Variants in CCDC62 observed in about 807,000 individuals in gnomAD.
CCDC62 encodes the protein coiled-coil domain containing 62, also known as coiled-coil domain-containing protein 62.
Under a neutral mutation model 80.8 loss-of-function variants are expected in CCDC62, and 72 were observed. The ratio of observed to expected loss-of-function variants is 0.89; its 90% confidence interval spans 0.74 to 1.08. The LOEUF is 1.08. CCDC62 is among the 50% of genes least tolerant of loss of function. The probability of loss-of-function intolerance (pLI) is 0.00; values close to 1 mark genes in which losing one functional copy is unlikely to be tolerated. For missense variants in CCDC62, 704 were observed against 809.4 expected, an observed-to-expected ratio of 0.87 and a Z score of 1.58; for synonymous variants, 286 against 296.5, an observed-to-expected ratio of 0.96 and a Z score of 0.36.
intron 9 of CCDC62, among the ~76,000 whole-genome samples, chr12:122,804,140 G>T (rs2031454435): frequency 1.3e-5 from 2 of 152,140 alleles, no homozygotes; most frequent in Non-Finnish European, 2.9e-5. Context: ...ACAAACAGAG[G>T]TTTACCCGTG....
In CCDC62 at chr12:122,777,572, C is replaced by T. The variant is rs757192126; in HGVS notation, c.118C>T (p.Arg40Ter). Residue 40 changes from arginine to a stop codon, truncating the protein, a stop_gained, in exon 2 of 13, where the codon CGA (arginine) becomes TGA (stop). Transcript: ENST00000253079. LOFTEE classifies it high-confidence loss of function. The stretch of plus-strand genomic sequence containing the variant: ...GTTGCTCATTGGAGAATTAAAAGAT[C>T]GAGATAAAGAGCTCAATGACATGGT... The part of the protein sequence containing the change: ...LQLLIGELKD[R>*]DKELNDMVAV... 70 of 1,613,862 alleles carry T rather than the reference C, an allele frequency of 4.3e-5. No individual in the cohort carries two copies. Among genetic ancestry groups the T allele is most frequent in the Non-Finnish European group, 5.7e-5 (67 of 1,179,922 alleles).
chr12:122,788,801 C>A lies in CCDC62; in HGVS notation c.542C>A (p.Ser181Ter), dbSNP rs754383945. ...IEAVNHIADCSGKFKMLEHAL... is the reference protein window; with the variant it reads ...IEAVNHIADC ...GCAGTTAATCACATTGCAGATTGTT[C>A]GGGTAAATTTAAAATGCTAGAGCAT... The change falls in exon 5 of 13, where the codon TCG becomes TAG. Residue 181 changes from serine (S) to a stop codon, truncating the protein, a stop_gained. Transcript: ENST00000253079. LOFTEE classifies it high-confidence loss of function. 1.3e-6 allele frequency: 2 copies of A among 1,594,918 alleles called. No individual in the cohort carries two copies. Among genetic ancestry groups the A allele is most frequent in the South Asian group, 1.2e-5 (1 of 86,858 alleles).
At chr12:122,802,445 GC>G (rs1324279835) in intron 9 of CCDC62, among the ~76,000 whole-genome samples, 2 of 142,556 alleles carry the variant, frequency 1.4e-5, no homozygotes, top group Non-Finnish European at 3.0e-5. Context: ...ATGGAGTCTA[GC>G]TTTGTCGCCC....
In CCDC62 at chr12:122,788,944, T is replaced by C; in HGVS notation, c.670+15T>C. ...CAAACTAAAAGGTAAGGAAGAGACC[T>C]ACATTTAAGATACAAATGTATTATC... On this transcript the variant is annotated intron_variant, in intron 5 of 12. Coordinates refer to ENST00000253079, the MANE Select transcript of CCDC62 (RefSeq NM_201435.5). 1.3e-6 allele frequency: 2 copies of C among 1,553,822 alleles called. No individual in the cohort carries two copies. Among genetic ancestry groups the C allele is most frequent in the Non-Finnish European group, 1.7e-6 (2 of 1,150,364 alleles).
intron 9 of CCDC62, among the ~76,000 whole-genome samples, chr12:122,804,731 C>G (rs1404534641): frequency 6.7e-6 from 1 of 149,138 alleles, no homozygotes; most frequent in East Asian, 2.0e-4. Context: ...TTTTTTTTCT[C>G]TTTTTAGAGA....
chr12:122,815,275 C>T (rs1228787559), intron 11 of CCDC62, among the ~76,000 whole-genome samples: 1 of 151,430 alleles, frequency 6.6e-6, no homozygotes, highest in African/African-American at 2.4e-5. Context: ...AACAGGGTCC[C>T]ACAATGTTGC....
intron 10 of CCDC62, among the ~76,000 whole-genome samples, chr12:122,812,777 G>GAGACAGAAAGAA (rs750420995): frequency 3.5e-5 from 2 of 57,784 alleles, no homozygotes; most frequent in African/African-American, 1.6e-4. Context: ...GAGAGAGAGA[G>GAGACAGAAAGAA]AGAAAGAAAG....
At chr12:122,790,495 G>A (rs2030537802) in intron 5 of CCDC62, among the ~76,000 whole-genome samples, 1 of 152,022 alleles carries the variant, frequency 6.6e-6, no homozygotes, top group Non-Finnish European at 1.5e-5. Flanking sequence ...GCAGAACCCT[G>A]TCTCTACAAA....
At chr12:122,781,919 C>T (rs1287948956) in intron 3 of CCDC62, among the ~76,000 whole-genome samples, 1 of 150,608 alleles carries the variant, frequency 6.6e-6, no homozygotes, top group Non-Finnish European at 1.5e-5. Context: ...GGGTGCACTG[C>T]TGTGGTCCCA....
chr12:122,806,269 A>G lies in CCDC62; in HGVS notation c.1825A>G (p.Lys609Glu). ...CTCACCTACGAGTTTGTTAATCTAC[A>G]AAGATGCACCAGCATTCAATGAAAA... The part of the protein sequence containing the change: ...KNSPTSLLIY[K>E]DAPAFNEKAS... Residue 609 changes from lysine to glutamate, a missense_variant, in exon 10 of 13, where the codon AAA becomes GAA. Transcript: ENST00000253079. 1 of 1,612,330 alleles carries G rather than the reference A, an allele frequency of 6.2e-7. No individual in the cohort carries two copies. Among genetic ancestry groups the G allele is most frequent in the Non-Finnish European group, 8.5e-7 (1 of 1,178,882 alleles).
chr12:122,804,263 G>A (rs984420384), intron 9 of CCDC62, among the ~76,000 whole-genome samples: 3 of 152,132 alleles, frequency 2.0e-5, no homozygotes, highest in African/African-American at 7.2e-5. Flanking sequence ...AACTCAGGCG[G>A]ATCACCTGAG....
rs188533016 is a variant in CCDC62 at position 122,792,765 on chromosome 12, G to A, written c.772+644G>A. Among the ~76,000 whole-genome samples the A allele has an allele frequency of 7.9e-5, 12 of 152,242 alleles. No homozygotes were observed. In the East Asian group the frequency reaches 1.7e-3, roughly 22 times the overall value. On this transcript the variant is annotated intron_variant, in intron 6 of 12. Transcript: ENST00000253079. ...AACTCTGGCCTCAGATAATCCGCCC[G>A]CCTCAGCCTCGCAAAGTGCTGGGAT...
chr12:122,799,004 C>T (rs1020033632), intron 8 of CCDC62, among the ~76,000 whole-genome samples: 3 of 151,752 alleles, frequency 2.0e-5, no homozygotes, highest in Admixed American at 6.6e-5. Context: ...TGCTGGAACC[C>T]GGGAGGCAGA....
At chr12:122,781,094 C>G (rs926533245) in intron 2 of CCDC62, 70 bp from the exon 3 acceptor site, 1 of 1,251,598 alleles carries the variant, frequency 8.0e-7, no homozygotes, top group African/African-American at 1.5e-5. Context: ...TACCTTTTAA[C>G]CACCCATTTT....
At chr12:122,790,764 C>G (rs1426697416) in intron 5 of CCDC62, among the ~76,000 whole-genome samples, 1 of 151,958 alleles carries the variant, frequency 6.6e-6, no homozygotes, top group Non-Finnish European at 1.5e-5. Flanking sequence ...CCTGTCTTCA[C>G]TTGGTGTTTC....
intron 3 of CCDC62, among the ~76,000 whole-genome samples, chr12:122,783,871 T>C (rs2030038922): frequency 6.6e-6 from 1 of 152,220 alleles, no homozygotes; most frequent in Non-Finnish European, 1.5e-5. Context: ...TTTCTTATAA[T>C]TGGTGAATCT....
At chr12:122,808,406 A>G (rs1206895496) in intron 10 of CCDC62, among the ~76,000 whole-genome samples, 3 of 152,358 alleles carry the variant, frequency 2.0e-5, no homozygotes, top group Admixed American at 1.3e-4. Context: ...GGTGTGCTAG[A>G]TAATACAAAT....
intron 3 of CCDC62, among the ~76,000 whole-genome samples, chr12:122,781,720 A>T (rs536395011): frequency 5.9e-5 from 9 of 152,006 alleles, no homozygotes; most frequent in African/African-American, 2.2e-4. Context: ...TTAGATTTAA[A>T]TGTTTCATTA....
chr12:122,798,875 C>T (rs886547178), intron 8 of CCDC62, among the ~76,000 whole-genome samples: 1 of 151,948 alleles, frequency 6.6e-6, no homozygotes, highest in South Asian at 2.1e-4. Context: ...GTCAGGAGAT[C>T]GAGACCATCC....
Sources: gnomAD v4.1 joint callset for allele counts (sites outside exome capture counted in the v4.1 genomes callset) on GRCh38, gnomAD v4.1.1 for gene constraint, MANE v1.5 for transcripts, NCBI Gene and HGNC (gene_info 2026-07-23, HGNC 2026-07-21) for gene names.